The following FMN1 variants were observed in gnomAD, a reference collection of about 807,000 sequenced individuals.
The protein encoded by FMN1 is formin 1.
Under a neutral mutation model 132.4 loss-of-function variants are expected in FMN1, and 110 were observed. The observed-to-expected ratio is 0.83, with a 90% CI of 0.71 to 0.97. The LOEUF is 0.97. FMN1 is among the 50% of genes least tolerant of loss of function. FMN1 has a pLI of 0.00. For missense variants in FMN1, 1,792 were observed against 1,705.3 expected (o/e 1.05, Z -0.90); for synonymous variants, 722 against 651.7 (o/e 1.11, Z -1.64).
chr15:33,150,702 G>C, intron 4 of FMN1: 1 of 985,424 alleles, frequency 1.0e-6, no homozygotes, highest in Non-Finnish European at 1.2e-6. Context: ...GATTACTTTT[G>C]CCAGACTTAA....
intron 6 of FMN1, among the ~76,000 whole-genome samples, chr15:33,029,246 T>A (rs1378339906): frequency 2.0e-5 from 3 of 150,732 alleles, no homozygotes; most frequent in African/African-American, 7.3e-5. Context: ...TGGAAACACA[T>A]TTTATGAACA....
intron 16 of FMN1, among the ~76,000 whole-genome samples, chr15:32,869,169 TCTGGAG>T (rs1348900448): frequency 6.6e-6 from 1 of 152,186 alleles, no homozygotes; most frequent in East Asian, 1.9e-4. Context: ...GTGTAGCATG[TCTGGAG>T]CTGTGGGACC....
In FMN1 at chr15:32,986,991, A is replaced by G. The variant is rs78143551; in HGVS notation, c.2224-17514T>C. Among the ~76,000 whole-genome samples, 1,236 of 152,284 alleles carry G rather than the reference A, an allele frequency of 8.1e-3. 22 individuals are homozygous for G. The highest frequency in any genetic ancestry group is 0.028 in the African/African-American group (1,184 of 41,562). ...TGAAATATTTTCAAAATAAACATTT[A>G]ACTATCCTATTCAAACTTGAAATGT... On this transcript the variant is annotated intron_variant, in intron 7 of 20. Transcript: ENST00000616417.
chr15:33,057,051 A>ACTTGTAAT (rs1038761646), intron 6 of FMN1, among the ~76,000 whole-genome samples: 23 of 152,156 alleles, frequency 1.5e-4, no homozygotes, highest in Non-Finnish European at 1.2e-4. Context: ...GGTGGCACAC[A>ACTTGTAAT]CTTGTAATCT....
chr15:32,851,730 G>A (rs2059013395), intron 17 of FMN1, among the ~76,000 whole-genome samples: 1 of 152,200 alleles, frequency 6.6e-6, no homozygotes, highest in East Asian at 1.9e-4. Flanking sequence ...AGGGAAGAAT[G>A]AAAAAGACAT....
At chr15:33,067,585 C>A in intron 5 of FMN1, 1 of 1,613,972 alleles carries the variant, frequency 6.2e-7, no homozygotes, top group Non-Finnish European at 8.5e-7. Context: ...ATTCTGTCTC[C>A]ACGCTTGCAA....
In FMN1 at chr15:32,770,066, T is replaced by A. The variant is rs2056178491; in HGVS notation, c.*4244A>T. 6.6e-6 allele frequency: 1 copy of A among 152,224 alleles called. No individual in the cohort carries two copies. Among genetic ancestry groups the A allele is most frequent in the Non-Finnish European group, 1.5e-5 (1 of 68,034 alleles). The allele number at this position is 152,224 out of a possible 1,614,324, so 9.4% of individuals were successfully genotyped here. On this transcript the variant is annotated 3_prime_UTR_variant, in exon 21 of 21. Coordinates refer to ENST00000616417, the MANE Select transcript of FMN1 (RefSeq NM_001277313.2). ...ATGTGGGAGGGGGGAAGGCTATATATTTTTGGACTTCTTCCTTTTTGTCAT... is the reference window on the plus strand; with the variant it reads ...ATGTGGGAGGGGGGAAGGCTATATAATTTTGGACTTCTTCCTTTTTGTCAT...
At chr15:32,990,990 G>A (rs1055580644) in intron 7 of FMN1, among the ~76,000 whole-genome samples, 1 of 152,084 alleles carries the variant, frequency 6.6e-6, no homozygotes, top group Non-Finnish European at 1.5e-5. Context: ...TTCGAGATTT[G>A]GGCGGGGACA....
In FMN1 at chr15:32,766,017, T is replaced by G. The variant is rs1293590524; in HGVS notation, c.*8293A>C. The G allele has an allele frequency of 1.1e-4, 16 of 152,198 alleles. 1 individual carries two copies. Among genetic ancestry groups the G allele is most frequent in the Admixed American group, 1.0e-3 (16 of 15,270 alleles). 9.4% of individuals were successfully genotyped at this position (152,198 alleles called of 1,614,324 possible). A position where few individuals can be genotyped will look rare whatever the true frequency, so the allele number is the denominator to read the frequency against. On this transcript the variant is annotated 3_prime_UTR_variant, in exon 21 of 21. Transcript: ENST00000616417. ...AAATACCTGAATCCAATGAGCTTATTATGCTTAAAAATATCCCAAGAGCGT... is the reference window on the plus strand; with the variant it reads ...AAATACCTGAATCCAATGAGCTTATGATGCTTAAAAATATCCCAAGAGCGT...
At chr15:33,087,748 A>G (rs1348001612) in intron 5 of FMN1, among the ~76,000 whole-genome samples, 2 of 152,258 alleles carry the variant, frequency 1.3e-5, no homozygotes, top group East Asian at 1.9e-4. Context: ...AACCAGCCCA[A>G]ATCCCCATCA....
At chr15:33,126,428 G>C (rs749745810) in intron 4 of FMN1, among the ~76,000 whole-genome samples, 4 of 152,076 alleles carry the variant, frequency 2.6e-5, no homozygotes, top group Non-Finnish European at 5.9e-5. Flanking sequence ...AGGGTGAGAG[G>C]AGAAGGTGGG....
intron 9 of FMN1, among the ~76,000 whole-genome samples, chr15:32,948,644 T>G (rs981833234): frequency 6.6e-5 from 10 of 152,070 alleles, no homozygotes; most frequent in African/African-American, 2.4e-4. Context: ...TTATTTTCAT[T>G]TATTGGCAAA....
At chr15:33,075,020 CAAAAAAAAAAAAAAAAA>C (rs57504432) in intron 5 of FMN1, among the ~76,000 whole-genome samples, 19,966 of 62,076 alleles carry the variant, frequency 0.32, 2,079 homozygotes, top group Middle Eastern at 0.52. Context: ...GATTCCATCT[CAAAAAAAAAAAAAAAAA>C]AAAAAAAAAA....
At chr15:32,993,920 G>GGGGGGC (rs2033602545) in intron 7 of FMN1, among the ~76,000 whole-genome samples, 1 of 141,390 alleles carries the variant, frequency 7.1e-6, no homozygotes, top group Non-Finnish European at 1.6e-5. Context: ...GGTGGGGGGG[G>GGGGGGC]TCTTTTGGAA....
intron 9 of FMN1, among the ~76,000 whole-genome samples, chr15:32,937,405 C>T (rs780749517): frequency 3.3e-5 from 5 of 152,188 alleles, no homozygotes; most frequent in Non-Finnish European, 5.9e-5. Context: ...AGCTTCAATA[C>T]AACTGGTTTC....
chr15:33,134,377 G>C (rs937967368), intron 4 of FMN1, among the ~76,000 whole-genome samples: 1 of 152,192 alleles, frequency 6.6e-6, no homozygotes, highest in Admixed American at 6.5e-5. Context: ...GGATGCTGAG[G>C]TAACAGTTCC....
intron 4 of FMN1, among the ~76,000 whole-genome samples, chr15:33,142,262 T>C (rs911734878): frequency 6.6e-6 from 1 of 152,228 alleles, no homozygotes; most frequent in Non-Finnish European, 1.5e-5. Context: ...ATCAATATGC[T>C]GTCAGCTAAA....
intron 6 of FMN1, among the ~76,000 whole-genome samples, chr15:33,053,062 C>T (rs2037052002): frequency 1.3e-5 from 2 of 152,114 alleles, no homozygotes; most frequent in Admixed American, 1.3e-4. Context: ...ATCCTCCACT[C>T]TCATCACCCT....
chr15:33,095,815 T>G (rs918629632), intron 4 of FMN1, among the ~76,000 whole-genome samples: 2 of 152,196 alleles, frequency 1.3e-5, no homozygotes, highest in African/African-American at 4.8e-5. Flanking sequence ...ATCCAACTCT[T>G]GAAGACATAT....
Sources: gnomAD v4.1 joint callset for allele counts (sites outside exome capture counted in the v4.1 genomes callset) on GRCh38, gnomAD v4.1.1 for gene constraint, MANE v1.5 for transcripts, NCBI Gene and HGNC (gene_info 2026-07-23, HGNC 2026-07-21) for gene names.